TRAPPC9: variants seen among roughly 807,000 people sequenced by gnomAD.
The protein encoded by TRAPPC9 is IKK2 binding protein.
A neutral mutation model predicts 124.0 loss-of-function variants in TRAPPC9; 83 were observed. The observed-to-expected ratio is 0.67, with a 90% CI of 0.56 to 0.80. The LOEUF is 0.80. Among genes scored for constraint, TRAPPC9 ranks in the 30% least tolerant of loss-of-function variants. TRAPPC9 has a pLI of 0.00. For missense variants in TRAPPC9, 1,302 were observed against 1,508.3 expected, an observed-to-expected ratio of 0.86 and a Z score of 2.27; for synonymous variants, 638 against 617.5, an observed-to-expected ratio of 1.03 and a Z score of -0.49.
At chr8:140,042,261 G>A (rs906648447) in intron 17 of TRAPPC9, among the ~76,000 whole-genome samples, 3 of 151,784 alleles carry the variant, frequency 2.0e-5, no homozygotes, top group Non-Finnish European at 4.4e-5. Context: ...AGAGAAAGTA[G>A]AGAAAAAAGA....
chr8:140,205,099 C>A (rs957484719), intron 17 of TRAPPC9, among the ~76,000 whole-genome samples: 4 of 152,202 alleles, frequency 2.6e-5, no homozygotes, highest in African/African-American at 9.7e-5. Context: ...AAAGTAGATA[C>A]AATGTGATCA....
intron 15 of TRAPPC9, among the ~76,000 whole-genome samples, chr8:140,273,703 C>T (rs1217133955): frequency 3.3e-5 from 5 of 152,128 alleles, no homozygotes; most frequent in Non-Finnish European, 7.4e-5. Flanking sequence ...TTGGGTGCTG[C>T]GTTGCCTACT....
chr8:140,049,549 C>T (rs1257021557), intron 17 of TRAPPC9, among the ~76,000 whole-genome samples: 1 of 151,624 alleles, frequency 6.6e-6, no homozygotes, highest in East Asian at 1.9e-4. Flanking sequence ...CAGGGCTCCC[C>T]CCCCCGAGAC....
chr8:139,967,362 C>T (rs1252300016), intron 19 of TRAPPC9, among the ~76,000 whole-genome samples: 11 of 152,218 alleles, frequency 7.2e-5, no homozygotes, highest in Non-Finnish European at 1.3e-4. Context: ...ATTTGTGCTG[C>T]TGCACTAAGT....
At chr8:139,830,591 CACACCACACGCAT>C (rs1445630923) in intron 21 of TRAPPC9, among the ~76,000 whole-genome samples, 2 of 151,084 alleles carry the variant, frequency 1.3e-5, no homozygotes, top group South Asian at 2.2e-4. Flanking sequence ...TACACATGCA[CACACCACACGCAT>C]ACACCACACG....
At chr8:140,330,505 T>G (rs1408566289) in intron 9 of TRAPPC9, among the ~76,000 whole-genome samples, 2 of 152,180 alleles carry the variant, frequency 1.3e-5, no homozygotes, top group African/African-American at 4.8e-5. Flanking sequence ...GAGTGACCAG[T>G]TGGAGGCCCT....
In TRAPPC9 at chr8:139,962,324, A is replaced by G. The variant is rs1835405348; in HGVS notation, c.2810+26402T>C. ...AGATTCAGTGTCTGTAACATATCACATGCTAAATAGCTATTATAACACATC... is the reference window on the plus strand; with the variant it reads ...AGATTCAGTGTCTGTAACATATCACGTGCTAAATAGCTATTATAACACATC... On this transcript the variant is annotated intron_variant, in intron 19 of 22. Coordinates refer to ENST00000438773, the MANE Select transcript of TRAPPC9 (RefSeq NM_001160372.4). 1.6e-5 allele frequency among the ~76,000 whole-genome samples: 2 copies of G among 124,792 alleles called. 1 individual carries two copies. Among genetic ancestry groups the G allele is most frequent in the Non-Finnish European group, 3.8e-5 (2 of 52,382 alleles). 81.9% of individuals were successfully genotyped at this position (124,792 alleles called of 152,430 possible).
intron 17 of TRAPPC9, 109 bp from the exon 18 acceptor site, chr8:140,024,188 A>G: frequency 7.4e-7 from 1 of 1,357,002 alleles, no homozygotes; most frequent in African/African-American, 1.4e-5. Context: ...GATAATCCCA[A>G]CTAGTCAAGT....
At chr8:140,366,947 T>G (rs1309311859) in intron 8 of TRAPPC9, among the ~76,000 whole-genome samples, 1 of 152,158 alleles carries the variant, frequency 6.6e-6, no homozygotes, top group Non-Finnish European at 1.5e-5. Flanking sequence ...AAAGAAGGTA[T>G]CCAGATGGCA....
intron 21 of TRAPPC9, among the ~76,000 whole-genome samples, chr8:139,883,175 G>C (rs1407222162): frequency 6.6e-6 from 1 of 152,174 alleles, no homozygotes; most frequent in African/African-American, 2.4e-5. Context: ...AGAGACACCT[G>C]AGCTAGCACA....
intron 21 of TRAPPC9, among the ~76,000 whole-genome samples, chr8:139,884,388 A>G (rs1187329457): frequency 6.6e-6 from 1 of 152,172 alleles, no homozygotes. Context: ...GCCGACCCTC[A>G]GACAGAAGGG....
intron 21 of TRAPPC9, among the ~76,000 whole-genome samples, chr8:139,765,484 G>A (rs926433142): frequency 1.3e-5 from 2 of 152,238 alleles, no homozygotes; most frequent in African/African-American, 4.8e-5. Flanking sequence ...AAAGGACAGG[G>A]TGGCCGTGGG....
intron 21 of TRAPPC9, among the ~76,000 whole-genome samples, chr8:139,820,402 A>G (rs1208628259): frequency 6.6e-6 from 1 of 152,164 alleles, no homozygotes; most frequent in Non-Finnish European, 1.5e-5. Flanking sequence ...GCTGGACTCG[A>G]ACTCCTGACC....
Position 140,385,460 on chromosome 8 carries a change from C to T in TRAPPC9, c.1134+12160G>A, listed in dbSNP as rs184512609. On this transcript the variant is annotated intron_variant, in intron 7 of 22. Transcript: ENST00000438773. ...AGAAAAGAGAGAAGAATCAAATAGA[C>T]GAAATAAAAAATGACAAAGGGGATA... 1.7e-4 allele frequency among the ~76,000 whole-genome samples: 26 copies of T among 152,014 alleles called. 1 individual carries two copies. The highest frequency in any genetic ancestry group is 2.7e-4 in the African/African-American group (11 of 41,468).
chr8:140,265,757 T>C (rs2064627285), intron 15 of TRAPPC9, among the ~76,000 whole-genome samples: 1 of 152,156 alleles, frequency 6.6e-6, no homozygotes, highest in Non-Finnish European at 1.5e-5. Context: ...TTACTTTACG[T>C]TGATAATAAC....
At chr8:140,121,838 G>A (rs1420693684) in intron 17 of TRAPPC9, among the ~76,000 whole-genome samples, 1 of 152,082 alleles carries the variant, frequency 6.6e-6, no homozygotes, top group Non-Finnish European at 1.5e-5. Context: ...GCTCTTAAAG[G>A]GGTCCCATGA....
At chr8:139,876,587 G>A (rs1458153505) in intron 21 of TRAPPC9, among the ~76,000 whole-genome samples, 1 of 152,192 alleles carries the variant, frequency 6.6e-6, no homozygotes, top group African/African-American at 2.4e-5. Flanking sequence ...TGGCTCTAAG[G>A]CAGGGATTGA....
intron 19 of TRAPPC9, among the ~76,000 whole-genome samples, chr8:139,960,923 C>T (rs1461363236): frequency 2.4e-5 from 3 of 125,182 alleles, no homozygotes; most frequent in African/African-American, 5.1e-5. Context: ...GTGGCTTAAC[C>T]CCTAACGTTT....
At chr8:139,936,330 G>A (rs978254759) in intron 19 of TRAPPC9, among the ~76,000 whole-genome samples, 3 of 152,264 alleles carry the variant, frequency 2.0e-5, no homozygotes, top group South Asian at 4.1e-4. Context: ...TAACATGCAT[G>A]CTGAGTGCCA....
Sources: allele counts gnomAD v4.1 joint callset (sites outside exome capture counted in the v4.1 genomes callset), GRCh38; gene constraint gnomAD v4.1.1; transcripts MANE v1.5; gene names NCBI Gene and HGNC (gene_info 2026-07-23, HGNC 2026-07-21).